The following SLC35E2B variants were observed in gnomAD, a reference collection of about 807,000 sequenced individuals.
The protein encoded by SLC35E2B is solute carrier family 35 member E2B, also known as solute carrier family 35, member E2B.
SLC35E2B carries 18 observed loss-of-function variants against 32.4 expected under a neutral mutation model. The ratio of observed to expected loss-of-function variants is 0.56; its 90% CI spans 0.38 to 0.82. The LOEUF (loss-of-function observed/expected upper bound fraction) is 0.82, where lower values mean the gene tolerates loss of function less well. Ranked by LOEUF, SLC35E2B falls within the 40% of genes least tolerant of loss-of-function variation. The pLI is 0.00. For missense variants in SLC35E2B, 263 were observed against 469.5 expected (o/e 0.56, Z 4.06); for synonymous variants, 132 against 209.1 (o/e 0.63, Z 3.18).
At chr1:1,682,689 G>A (rs555608132) in intron 2 of SLC35E2B, among the ~76,000 whole-genome samples, 179 of 152,244 alleles carry the variant, frequency 1.2e-3, no homozygotes, top group Non-Finnish European at 2.0e-3. Context: ...TTCAGGTGCT[G>A]GAACCCAGCT....
rs749882386 is a variant in SLC35E2B, at chr1:1,665,479, C to T, written c.*303G>A. On this transcript the variant is annotated 3_prime_UTR_variant, in exon 10 of 10. Coordinates refer to ENST00000617444, the MANE Select transcript of SLC35E2B (RefSeq NM_001290264.2). ...TGGCTCCCGGTGGACCCTGGGGTGT[C>T]GCCCAGAGAGGAAGTGGGCACCCCC... 1.8e-5 allele frequency: 10 copies of T among 552,604 alleles called. 2 individuals are homozygous for T. Among genetic ancestry groups the T allele is most frequent in the South Asian group, 5.4e-5 (2 of 36,770 alleles). The allele number at this position is 552,604 out of a possible 1,614,324, so 34.2% of individuals were successfully genotyped here.
chr1:1,686,473 AAAAAAT>A (rs1487430754), intron 2 of SLC35E2B, among the ~76,000 whole-genome samples: 21 of 151,970 alleles, frequency 1.4e-4, no homozygotes, highest in Non-Finnish European at 2.6e-4. Flanking sequence ...TCTTGTAGTG[AAAAAAT>A]AAAAATAAAA....
intron 2 of SLC35E2B, among the ~76,000 whole-genome samples, chr1:1,684,112 A>T (rs921347354): frequency 2.6e-5 from 4 of 152,128 alleles, no homozygotes; most frequent in African/African-American, 9.7e-5. Context: ...GTAGACACTC[A>T]GCAGTCGTGA....
intron 9 of SLC35E2B, among the ~76,000 whole-genome samples, chr1:1,667,514 G>A (rs184600931): frequency 8.5e-5 from 13 of 152,256 alleles, no homozygotes; most frequent in Admixed American, 2.6e-4. Flanking sequence ...GATCCTCCCC[G>A]TTTCTAGAGC....
At chr1:1,667,424 T>TAAATAAAATA (rs76187963) in intron 9 of SLC35E2B, among the ~76,000 whole-genome samples, 3 of 151,158 alleles carry the variant, frequency 2.0e-5, no homozygotes, top group African/African-American at 4.9e-5. Flanking sequence ...AAAAAATAAA[T>TAAATAAAATA]AAATAAAATA....
rs1643522786 is a variant in SLC35E2B, at chr1:1,665,668, C to G, written c.*114G>C. The G allele has an allele frequency of 1.4e-6, 2 of 1,438,478 alleles. No homozygotes were observed. The highest frequency in any genetic ancestry group is 2.9e-5 in the African/African-American group (2 of 69,832). 89.1% of individuals were successfully genotyped at this position (1,438,478 alleles called of 1,614,324 possible). On this transcript the variant is annotated 3_prime_UTR_variant, in exon 10 of 10. Coordinates refer to ENST00000617444, the MANE Select transcript of SLC35E2B (RefSeq NM_001290264.2). ...AAACCGAGAAAGCCGCAGGCAATGG[C>G]CAACTTAGCTCCCCATGTCCTGCAC... is the stretch of plus-strand genomic sequence containing the variant.
At chr1:1,687,763 C>T (rs958213722) in intron 2 of SLC35E2B, among the ~76,000 whole-genome samples, 1 of 149,514 alleles carries the variant, frequency 6.7e-6, no homozygotes, top group Non-Finnish European at 1.5e-5. Context: ...TTAATCCTGG[C>T]GGGTGCCTGT....
intron 9 of SLC35E2B, among the ~76,000 whole-genome samples, chr1:1,667,011 A>G (rs575417194): frequency 0.075 from 252 of 3,372 alleles, 31 homozygotes; most frequent in Non-Finnish European, 0.11. Flanking sequence ...AGGCTGAGGC[A>G]GGAGAATCAC....
chr1:1,685,555 G>A (rs1643940287), intron 2 of SLC35E2B, among the ~76,000 whole-genome samples: 1 of 152,034 alleles, frequency 6.6e-6, no homozygotes, highest in Non-Finnish European at 1.5e-5. Context: ...TCAGAACCAT[G>A]AAAATATGTC....
chr1:1,668,608 C>G (rs988738506), intron 8 of SLC35E2B, 136 bp from the exon 9 acceptor site: 19 of 1,533,854 alleles, frequency 1.2e-5, no homozygotes, highest in Non-Finnish European at 1.6e-5. Flanking sequence ...GAAAATGCCT[C>G]GAGCGGACAG....
At chr1:1,687,061 C>T (rs28463291) in intron 2 of SLC35E2B, among the ~76,000 whole-genome samples, 67,410 of 151,834 alleles carry the variant, frequency 0.44, 15,237 homozygotes, top group East Asian at 0.55. Context: ...GTCTCAAAAA[C>T]AAATAAATAA....
intron 2 of SLC35E2B, among the ~76,000 whole-genome samples, chr1:1,689,435 T>C (rs1643993550): frequency 6.6e-6 from 1 of 151,552 alleles, no homozygotes; most frequent in African/African-American, 2.4e-5. Context: ...AAGGTGCTGT[T>C]ATCACCCACG....
At chr1:1,677,854 A>C (rs532693708) in intron 2 of SLC35E2B, among the ~76,000 whole-genome samples, 1 of 150,280 alleles carries the variant, frequency 6.7e-6, no homozygotes, top group East Asian at 2.0e-4. Context: ...CTCCCTTCCC[A>C]CGAGCTCCAG....
intron 2 of SLC35E2B, among the ~76,000 whole-genome samples, chr1:1,677,440 C>T (rs1276671261): frequency 2.7e-5 from 4 of 150,874 alleles, no homozygotes; most frequent in Admixed American, 1.3e-4. Flanking sequence ...CTGCCGCTGT[C>T]GGGTGCCCAG....
intron 5 of SLC35E2B, among the ~76,000 whole-genome samples, chr1:1,673,731 G>A (rs1163722820): frequency 6.6e-6 from 1 of 151,874 alleles, no homozygotes; most frequent in Non-Finnish European, 1.5e-5. Flanking sequence ...GGGAGGCTGA[G>A]GCGTGCGGAT....
At chr1:1,673,257 A>C in intron 5 of SLC35E2B, 1 of 455,106 alleles carries the variant, frequency 2.2e-6, no homozygotes, top group Non-Finnish European at 4.4e-6. Context: ...CTGAGGGTTG[A>C]CCCTGGTGTT....
chr1:1,670,234 G>T, intron 6 of SLC35E2B, 83 bp from the exon 7 acceptor site: 2 of 1,010,940 alleles, frequency 2.0e-6, no homozygotes, highest in South Asian at 1.4e-5. Flanking sequence ...CGCTCACACG[G>T]AGCGATGGCG....
chr1:1,675,612 C>G, intron 4 of SLC35E2B, 22 bp from the exon 5 acceptor site: 2 of 1,517,596 alleles, frequency 1.3e-6, no homozygotes, highest in East Asian at 2.4e-5. Flanking sequence ...CCAAAAGCAC[C>G]ATCACCTTAG....
At chr1:1,684,800 A>AAAAC (rs1202864159) in intron 2 of SLC35E2B, among the ~76,000 whole-genome samples, 13 of 146,324 alleles carry the variant, frequency 8.9e-5, no homozygotes, top group Non-Finnish European at 1.6e-4. Flanking sequence ...AAAAAAAAAA[A>AAAAC]AAAAAAAAAA....
Sources: gnomAD v4.1 joint callset for allele counts (sites outside exome capture counted in the v4.1 genomes callset) on GRCh38, gnomAD v4.1.1 for gene constraint, MANE v1.5 for transcripts, NCBI Gene and HGNC (gene_info 2026-07-23, HGNC 2026-07-21) for gene names.